TMCC3: variants seen among roughly 807,000 people sequenced by gnomAD.
TMCC3 encodes the protein transmembrane and coiled-coil domain family 3.
Under a neutral mutation model 40.2 loss-of-function variants are expected in TMCC3, and 28 were observed. The observed-to-expected ratio is 0.70, with a 90% CI of 0.52 to 0.95. The LOEUF is 0.95. Ranked by LOEUF, TMCC3 falls within the 40% of genes least tolerant of loss-of-function variation. The probability of loss-of-function intolerance (pLI) is 0.00; values close to 1 mark genes in which losing one functional copy is unlikely to be tolerated. For synonymous variants in TMCC3, 255 were observed against 248.5 expected, an observed-to-expected ratio of 1.03 and a Z score of -0.25; for missense variants, 554 against 615.2, an observed-to-expected ratio of 0.90 and a Z score of 1.05.
rs531840173 is a variant in TMCC3 at position 94,591,000 on chromosome 12, C to T, written c.79-8462G>A. ...TGATCTTGGGAGATGAGGAAGAAAC[C>T]GCGACTACTATAGAAATTGATGAAG... is the stretch of plus-strand genomic sequence containing the variant. On this transcript the variant is annotated intron_variant, in intron 1 of 3. Coordinates refer to ENST00000261226, the MANE Select transcript of TMCC3 (RefSeq NM_020698.4). 9.9e-5 allele frequency: 55 copies of T among 553,232 alleles called. 2 individuals carry two copies. The highest frequency in any genetic ancestry group is 5.9e-4 in the African/African-American group (31 of 52,198). 34.3% of individuals were successfully genotyped at this position (553,232 alleles called of 1,614,324 possible).
chr12:94,602,760 T>A (rs972893214), intron 1 of TMCC3, among the ~76,000 whole-genome samples: 9 of 152,176 alleles, frequency 5.9e-5, no homozygotes, highest in African/African-American at 2.2e-4. Context: ...GGTGGATTTC[T>A]AAATTTCCAA....
At chr12:94,648,642 T>G (rs2069034534) in intron 1 of TMCC3, among the ~76,000 whole-genome samples, 1 of 152,328 alleles carries the variant, frequency 6.6e-6, no homozygotes, top group Non-Finnish European at 1.5e-5. Flanking sequence ...TGCAGTTACC[T>G]TACACAATTG....
At chr12:94,640,464 G>T (rs938620642) in intron 1 of TMCC3, among the ~76,000 whole-genome samples, 1 of 152,170 alleles carries the variant, frequency 6.6e-6, no homozygotes, top group East Asian at 1.9e-4. Flanking sequence ...GAATACAGGC[G>T]TGAGCCACCA....
chr12:94,615,951 G>C (rs1201224455), intron 1 of TMCC3: 1 of 985,538 alleles, frequency 1.0e-6, no homozygotes. Flanking sequence ...CCCAGGAGCA[G>C]AGCAGGATCG....
At chr12:94,578,269 A>T in intron 3 of TMCC3, 125 bp downstream of exon 3, 1 of 1,125,214 alleles carries the variant, frequency 8.9e-7, no homozygotes, top group Non-Finnish European at 1.3e-6. Context: ...ATGTTTGTGC[A>T]GAGAAAACAT....
rs111229232 is a variant in TMCC3 at position 94,596,246 on chromosome 12, T to A, written c.79-13708A>T. 3.4e-3 allele frequency among the ~76,000 whole-genome samples: 525 copies of A among 152,328 alleles called. 4 individuals carry two copies. The highest frequency in any genetic ancestry group is 0.012 in the African/African-American group (507 of 41,570). Reference sequence around the variant, plus strand: ...CTTTAATCCTCATATCTCCATGTCATTAGCTCTGCCTTGCAGATTTGAAAG... The same window carrying A: ...CTTTAATCCTCATATCTCCATGTCAATAGCTCTGCCTTGCAGATTTGAAAG... On this transcript the variant is annotated intron_variant, in intron 1 of 3. Coordinates refer to ENST00000261226, the MANE Select transcript of TMCC3 (RefSeq NM_020698.4).
chr12:94,631,234 C>T (rs1189218626), intron 1 of TMCC3, among the ~76,000 whole-genome samples: 6 of 152,112 alleles, frequency 3.9e-5, no homozygotes, highest in Admixed American at 2.0e-4. Flanking sequence ...TAGAAATATG[C>T]ACGTATGCAC....
intron 1 of TMCC3, among the ~76,000 whole-genome samples, chr12:94,633,592 T>C (rs1337983407): frequency 1.3e-5 from 2 of 152,232 alleles, no homozygotes; most frequent in African/African-American, 4.8e-5. Flanking sequence ...TGATGGGCCA[T>C]TTCATTACCT....
At chr12:94,629,272 G>T (rs1264108427) in intron 1 of TMCC3, among the ~76,000 whole-genome samples, 1 of 152,186 alleles carries the variant, frequency 6.6e-6, no homozygotes, top group East Asian at 1.9e-4. Context: ...GTCCAAGCAG[G>T]AAGGGAGGGT....
In TMCC3 at chr12:94,569,005, CG is replaced by C. The variant is rs2068510837; in HGVS notation, c.*2429del. On this transcript the variant is annotated 3_prime_UTR_variant, in exon 4 of 4. Coordinates refer to ENST00000261226, the MANE Select transcript of TMCC3 (RefSeq NM_020698.4). Reference sequence around the variant, plus strand: ...CTTCTGTCACTGGGGAGAAGATACACGGATCACAGGTCTGAGAAGTGTGCAT... The same window carrying C: ...CTTCTGTCACTGGGGAGAAGATACACGATCACAGGTCTGAGAAGTGTGCAT... The C allele has an allele frequency of 6.6e-6, 1 of 152,224 alleles. No homozygotes were observed. Among genetic ancestry groups the C allele is most frequent in the Non-Finnish European group, 1.5e-5 (1 of 68,042 alleles). The allele number at this position is 152,224 out of a possible 1,614,324, so 9.4% of individuals were successfully genotyped here. A position where few individuals can be genotyped will look rare whatever the true frequency, so the allele number is the denominator to read the frequency against.
intron 1 of TMCC3, among the ~76,000 whole-genome samples, chr12:94,613,009 C>A (rs2068825256): frequency 1.3e-5 from 2 of 151,642 alleles, no homozygotes; most frequent in African/African-American, 4.9e-5. Context: ...AAAAGACAAC[C>A]CACAAATAAT....
At chr12:94,597,153 ATATATGTATAT>A (rs1420047158) in intron 1 of TMCC3, among the ~76,000 whole-genome samples, 1,746 of 18,286 alleles carry the variant, frequency 0.095, 85 homozygotes, top group South Asian at 0.26. Flanking sequence ...ATATATATAT[ATATATGTATAT>A]AAATTAGCCA....
At position 94,571,588 on chromosome 12, in the gene TMCC3, C is replaced by T; in HGVS notation, c.1281G>A (p.Val427=). 1.2e-6 allele frequency: 2 copies of T among 1,614,158 alleles called. No homozygotes were observed. The highest frequency in any genetic ancestry group is 2.2e-5 in the East Asian group (1 of 44,878). The change falls in exon 4 of 4, where the codon GTG becomes GTA. Residue 427 remains valine, a synonymous_variant. Transcript: ENST00000261226. ...VILAFMTVIL[V]CVSTIAKFVS... ...CGAACTTCGCGATGGTGGACACACA[C>T]ACTAAGATGACAGTCATGAAGGCCA...
At chr12:94,615,987 G>A in intron 1 of TMCC3, 1 of 985,402 alleles carries the variant, frequency 1.0e-6, no homozygotes, top group Admixed American at 6.1e-5. Flanking sequence ...TCCTGCCCGA[G>A]GCATTTGAAT....
In TMCC3 at chr12:94,581,687, T is replaced by C; in HGVS notation, c.930A>G (p.Ala310=). 6.2e-7 allele frequency: 1 copy of C among 1,614,092 alleles called. No individual in the cohort carries two copies. The highest frequency in any genetic ancestry group is 8.5e-7 in the Non-Finnish European group (1 of 1,179,932). Residue 310 remains alanine, a synonymous_variant, in exon 2 of 4, where the codon GCA becomes GCG. Transcript: ENST00000261226. ...TQAQLAEDIE[A]LKVQFKREYG... ...ATTCTCTCTTAAACTGCACCTTCAG[T>C]GCCTCGATGTCCTCAGCCAGCTGAG...
chr12:94,582,471 T>G lies in TMCC3; in HGVS notation c.146A>C (p.Asn49Thr). 6.2e-7 allele frequency: 1 copy of G among 1,613,836 alleles called. No homozygotes were observed. The highest frequency in any genetic ancestry group is 8.5e-7 in the Non-Finnish European group (1 of 1,179,984). The stretch of plus-strand genomic sequence containing the variant: ...GCCATCCGGGACATCAAAGTTGAGG[T>G]TGGTGTCTGACCCCCCTCGGCGTAT... Reference protein sequence around the residue: ...LNIRRGGSDTNLNFDVPDGIL... With the variant: ...LNIRRGGSDTTLNFDVPDGIL... Residue 49 changes from asparagine (N) to threonine (T), a missense_variant, in exon 2 of 4, where the codon AAC (asparagine) becomes ACC (threonine). By Grantham distance (65) the Asn-to-Thr change is moderately conservative. Coordinates refer to ENST00000261226, the MANE Select transcript of TMCC3 (RefSeq NM_020698.4).
In TMCC3 at chr12:94,569,945, T is replaced by C. The variant is rs760413560; in HGVS notation, c.*1490A>G. 1.3e-5 allele frequency: 2 copies of C among 152,222 alleles called. No homozygotes were observed. The highest frequency in any genetic ancestry group is 6.5e-5 in the Admixed American group (1 of 15,292). 9.4% of individuals were successfully genotyped at this position (152,222 alleles called of 1,614,324 possible). On this transcript the variant is annotated 3_prime_UTR_variant, in exon 4 of 4. Transcript: ENST00000261226. ...ATGAACATTGTTTCCATCTTCCTCT[T>C]TGTTATACACACAGAGACACAGATT...
At chr12:94,575,114 C>T (rs923625434) in intron 3 of TMCC3, among the ~76,000 whole-genome samples, 11 of 152,100 alleles carry the variant, frequency 7.2e-5, no homozygotes, top group African/African-American at 2.4e-4. Flanking sequence ...TTTAAAAAAC[C>T]ACTCAGTTGT....
intron 1 of TMCC3, among the ~76,000 whole-genome samples, chr12:94,586,747 A>G (rs1225880080): frequency 6.6e-6 from 1 of 152,254 alleles, no homozygotes; most frequent in Non-Finnish European, 1.5e-5. Context: ...TCGTTACAGG[A>G]CAGCCTTGTA....
Sources: gnomAD v4.1 joint callset for allele counts (sites outside exome capture counted in the v4.1 genomes callset) on GRCh38, gnomAD v4.1.1 for gene constraint, MANE v1.5 for transcripts, NCBI Gene and HGNC (gene_info 2026-07-23, HGNC 2026-07-21) for gene names.